Variants in LRRK1 observed in about 807,000 individuals in gnomAD.
LRRK1 encodes leucine rich repeat kinase 1, also known as leucine-rich repeat serine/threonine-protein kinase 1.
In LRRK1, 113 loss-of-function variants were observed where a neutral mutation model predicts 209.1. The observed-to-expected ratio is 0.54, with a 90% CI of 0.46 to 0.63. LRRK1 has a LOEUF of 0.63. Ranked by LOEUF, LRRK1 falls within the 30% of genes least tolerant of loss-of-function variation. The pLI, the probability that LRRK1 is intolerant of heterozygous loss-of-function variation, is 0.00. For synonymous variants in LRRK1, 1,144 were observed against 1,099.7 expected, an observed-to-expected ratio of 1.04 and a Z score of -0.80; for missense variants, 2,284 against 2,632.2, an observed-to-expected ratio of 0.87 and a Z score of 2.89.
Position 101,010,675 on chromosome 15 carries a change from C to G in LRRK1, c.1119C>G (p.Ala373=). 6.3e-7 allele frequency: 1 copy of G among 1,586,232 alleles called. No homozygotes were observed. The highest frequency in any genetic ancestry group is 1.2e-5 in the South Asian group (1 of 85,728). ...TTGGGTCTTTTTTTTTTTTTTTAGCCACTAACTGGATAGGTTTACGGAAGC... is the reference window on the plus strand; with the variant it reads ...TTGGGTCTTTTTTTTTTTTTTTAGCGACTAACTGGATAGGTTTACGGAAGC... ...CLEKLFEEEN[A]TNWIGLRKLQ... Residue 373 remains alanine, a splice_region_variant and synonymous_variant, in exon 9 of 34, where the codon GCC becomes GCG. Transcript: ENST00000388948.
At chr15:101,051,603 C>T in intron 23 of LRRK1, 108 bp from the exon 24 acceptor site, 2 of 1,413,836 alleles carry the variant, frequency 1.4e-6, no homozygotes, top group Non-Finnish European at 1.9e-6. Flanking sequence ...CCAGGACAGG[C>T]AGCTCCCCTG....
chr15:100,968,223 A>C (rs551059234), intron 2 of LRRK1, among the ~76,000 whole-genome samples: 1 of 152,200 alleles, frequency 6.6e-6, no homozygotes, highest in East Asian at 1.9e-4. Context: ...TTGAGTAGTT[A>C]CTGTACCACG....
In LRRK1 at chr15:101,012,140, C is replaced by G; in HGVS notation, c.1414C>G (p.Leu472Val). 1.9e-6 allele frequency: 3 copies of G among 1,607,286 alleles called. No individual in the cohort carries two copies. The highest frequency in any genetic ancestry group is 2.5e-6 in the Non-Finnish European group (3 of 1,178,210). The change falls in exon 10 of 34, where the codon CTT becomes GTT. Residue 472 changes from leucine (L) to valine (V), a missense_variant. Leu to Val is a conservative substitution (Grantham distance 32, BLOSUM62 1). Coordinates refer to ENST00000388948, the MANE Select transcript of LRRK1 (RefSeq NM_024652.6). Reference protein sequence around the residue: ...LKEVPLGLFQLDALMFLRLQG... With the variant: ...LKEVPLGLFQVDALMFLRLQG... ...AGAAGTTCCCCTGGGACTTTTCCAG[C>G]TTGATGTAAGCCTAATAGCCCTTTC... is the stretch of plus-strand genomic sequence containing the variant.
chr15:100,991,856 G>C (rs908767574), intron 6 of LRRK1, among the ~76,000 whole-genome samples: 1 of 152,048 alleles, frequency 6.6e-6, no homozygotes, highest in Admixed American at 6.5e-5. Context: ...ATAGGTTCTT[G>C]TTATATTTAG....
chr15:100,938,974 T>C (rs2042353836), intron 2 of LRRK1, among the ~76,000 whole-genome samples: 1 of 152,086 alleles, frequency 6.6e-6, no homozygotes, highest in Non-Finnish European at 1.5e-5. Flanking sequence ...GCACCTGTAA[T>C]CCCAGCTACT....
At chr15:100,941,762 C>T (rs1236042827) in intron 2 of LRRK1, among the ~76,000 whole-genome samples, 2 of 152,130 alleles carry the variant, frequency 1.3e-5, no homozygotes, top group African/African-American at 4.8e-5. Context: ...GGGTGGTGGG[C>T]TCCGTGTGCC....
At position 101,024,299 on chromosome 15, in the gene LRRK1, G is replaced by A. The variant is rs1200243913; in HGVS notation, c.2068-504G>A. 1.3e-5 allele frequency among the ~76,000 whole-genome samples: 2 copies of A among 152,182 alleles called. No homozygotes were observed. Among genetic ancestry groups the A allele is most frequent in the Non-Finnish European group, 2.9e-5 (2 of 68,038 alleles). Reference sequence around the variant, plus strand: ...CTCATGCAATGATAGAGAAACCACCGTTTACACAGCCGTTCCCGGCAGCCC... The same window carrying A: ...CTCATGCAATGATAGAGAAACCACCATTTACACAGCCGTTCCCGGCAGCCC... On this transcript the variant is annotated intron_variant, in intron 15 of 33. Coordinates refer to ENST00000388948, the MANE Select transcript of LRRK1 (RefSeq NM_024652.6). This position sits in a 1 kb window ranked among gnomAD's most constrained non-coding sequence, Gnocchi z 4.6.
Position 100,958,961 on chromosome 15 carries a change from A to T in LRRK1, c.98-14843A>T, listed in dbSNP as rs2042818311. Among the ~76,000 whole-genome samples the T allele has an allele frequency of 2.0e-5, 3 of 152,124 alleles. No homozygotes were observed. The South Asian group carries it at 6.2e-4, about 32-fold the overall frequency. On this transcript the variant is annotated intron_variant, in intron 2 of 33. Coordinates refer to ENST00000388948, the MANE Select transcript of LRRK1 (RefSeq NM_024652.6). ...GACTAAGGTCTCAGATACTTTTATG[A>T]CTTGGAAAGCCCCCACATATTATCT...
At chr15:101,026,425 G>T (rs1010293050) in intron 17 of LRRK1, among the ~76,000 whole-genome samples, 1 of 152,240 alleles carries the variant, frequency 6.6e-6, no homozygotes, top group Non-Finnish European at 1.5e-5. Context: ...GAGACTGAAC[G>T]TGGGCACCAC....
chr15:101,011,447 G>T (rs546046656), intron 9 of LRRK1, among the ~76,000 whole-genome samples: 3 of 147,618 alleles, frequency 2.0e-5, no homozygotes, highest in Non-Finnish European at 4.4e-5. Context: ...TTGCACTCCA[G>T]TCTGGTGACA....
At chr15:100,998,579 C>T (rs1330973390) in intron 6 of LRRK1, among the ~76,000 whole-genome samples, 2 of 139,680 alleles carry the variant, frequency 1.4e-5, no homozygotes, top group African/African-American at 5.3e-5. Flanking sequence ...GTGTTTGCCC[C>T]TCCGTATAGG....
rs144871854 is a variant in LRRK1 at position 100,923,416 on chromosome 15, A to G, written c.-122-1095A>G. On this transcript the variant is annotated intron_variant, in intron 1 of 33. Coordinates refer to ENST00000388948, the MANE Select transcript of LRRK1 (RefSeq NM_024652.6). ...ATTTAAAAAATATATTTTTGGCTGC[A>G]CTATCACTCCCCATTTCAGAGTTGT... 9.6e-3 allele frequency among the ~76,000 whole-genome samples: 1,455 copies of G among 152,348 alleles called. 5 individuals carry two copies. Among genetic ancestry groups the G allele is most frequent in the Non-Finnish European group, 0.016 (1,098 of 68,028 alleles).
intron 6 of LRRK1, among the ~76,000 whole-genome samples, chr15:101,005,067 C>A (rs187791256): frequency 2.0e-5 from 3 of 152,276 alleles, no homozygotes; most frequent in Admixed American, 2.0e-4. Flanking sequence ...CCATAATGGC[C>A]ACGCAGAGTG....
intron 29 of LRRK1, among the ~76,000 whole-genome samples, chr15:101,058,797 A>AC (rs56770202): frequency 4.0e-5 from 6 of 151,072 alleles, no homozygotes; most frequent in Non-Finnish European, 8.9e-5. Flanking sequence ...TAAAAAAAAA[A>AC]CTCAAGAGTT....
In LRRK1 at chr15:101,065,540, C is replaced by G; in HGVS notation, c.5103C>G (p.Ser1701Arg). The G allele has an allele frequency of 6.2e-7, 1 of 1,614,190 alleles. No individual in the cohort carries two copies. The highest frequency in any genetic ancestry group is 8.5e-7 in the Non-Finnish European group (1 of 1,180,034). Residue 1701 changes from serine to arginine, a missense_variant, in exon 32 of 34, where the codon AGC becomes AGG. By Grantham distance (110) the Ser-to-Arg change is moderately radical. Transcript: ENST00000388948. ...YPVKAMEVVNSGSEVWYSNGP... is the reference protein window; with the variant it reads ...YPVKAMEVVNRGSEVWYSNGP... ...TGAAGGCCATGGAGGTGGTCAACAGCGGCTCTGAGGTCTGGTACAGCAATG... is the reference window on the plus strand; with the variant it reads ...TGAAGGCCATGGAGGTGGTCAACAGGGGCTCTGAGGTCTGGTACAGCAATG...
At chr15:100,960,170 A>G (rs1320925157) in intron 2 of LRRK1, among the ~76,000 whole-genome samples, 1 of 151,862 alleles carries the variant, frequency 6.6e-6, no homozygotes, top group East Asian at 1.9e-4. Context: ...TTCCTCCTTG[A>G]CAGTTTTCCT....
chr15:100,929,246 G>C (rs2042166695), intron 2 of LRRK1, among the ~76,000 whole-genome samples: 1 of 151,166 alleles, frequency 6.6e-6, no homozygotes, highest in Non-Finnish European at 1.5e-5. Flanking sequence ...GGTGGAACTT[G>C]AGCAGACATC....
intron 15 of LRRK1, among the ~76,000 whole-genome samples, chr15:101,023,525 T>A (rs1393698525): frequency 6.6e-6 from 1 of 152,170 alleles, no homozygotes; most frequent in Non-Finnish European, 1.5e-5. Flanking sequence ...CACACATAGA[T>A]AAGGCCATCC....
intron 12 of LRRK1, among the ~76,000 whole-genome samples, chr15:101,016,515 A>G (rs1387234743): frequency 6.6e-6 from 1 of 151,844 alleles, no homozygotes; most frequent in African/African-American, 2.4e-5. Flanking sequence ...TAATCTCATC[A>G]TAAGGGCCCC....
Sources: gnomAD v4.1 joint callset for allele counts (sites outside exome capture counted in the v4.1 genomes callset) on GRCh38, gnomAD v4.1.1 for gene constraint, Gnocchi (gnomAD v3.1) non-coding constraint, MANE v1.5 for transcripts, NCBI Gene and HGNC (gene_info 2026-07-23, HGNC 2026-07-21) for gene names.